Variants in PSMA6 observed in about 807,000 individuals in gnomAD.
PSMA6 encodes the protein proteasome subunit alpha type-6.
For missense variants in PSMA6, 170 were observed against 294.8 expected, an observed-to-expected ratio of 0.58 and a Z score of 3.10; for synonymous variants, 88 against 97.7, an observed-to-expected ratio of 0.90 and a Z score of 0.59.
intron 2 of PSMA6, 133 bp from the exon 3 acceptor site, chr14:35,308,781 C>A (rs77769830): frequency 0.011 from 7,045 of 626,986 alleles, 303 homozygotes; most frequent in African/African-American, 0.1. Context: ...ATTTATTATA[C>A]AGTTTATTTT....
At chr14:35,286,119 G>A (rs2051419372) in intron 1 of PSMA6, among the ~76,000 whole-genome samples, 1 of 152,144 alleles carries the variant, frequency 6.6e-6, no homozygotes, top group Non-Finnish European at 1.5e-5. Context: ...TTTAAAGTGG[G>A]TACAGCATAC....
intron 1 of PSMA6, among the ~76,000 whole-genome samples, chr14:35,299,443 AC>A (rs1198029956): frequency 6.8e-6 from 1 of 146,016 alleles, no homozygotes; most frequent in African/African-American, 2.5e-5. Flanking sequence ...CTGCCTCAGC[AC>A]CCCAATAGCT....
At chr14:35,293,138 C>A in intron 1 of PSMA6, 1 of 418,468 alleles carries the variant, frequency 2.4e-6, no homozygotes, top group Non-Finnish European at 4.8e-6. Flanking sequence ...CAAATATCTA[C>A]AGAGTTCAAG....
At chr14:35,306,005 C>T (rs926553833) in intron 1 of PSMA6, among the ~76,000 whole-genome samples, 1 of 151,972 alleles carries the variant, frequency 6.6e-6, no homozygotes, top group Non-Finnish European at 1.5e-5. Context: ...GTGGGAGGAT[C>T]GCTTGAGTCC....
At position 35,292,440 on chromosome 14, in the gene PSMA6, G is replaced by C. The variant is rs2051501918; in HGVS notation, c.-37G>C. The C allele has an allele frequency of 1.3e-6, 2 of 1,599,146 alleles. No individual in the cohort carries two copies. Among genetic ancestry groups the C allele is most frequent in the Non-Finnish European group, 1.7e-6 (2 of 1,172,918 alleles). On this transcript the variant is annotated 5_prime_UTR_variant, in exon 1 of 7. Coordinates refer to ENST00000261479, the MANE Select transcript of PSMA6 (RefSeq NM_002791.3). The stretch of plus-strand genomic sequence containing the variant: ...GTGTGCCTGGTGCGGGAGCTACGGG[G>C]CCCAGGGATTGTGTTTAAAGTAGTG...
At chr14:35,286,932 G>A (rs2051426777) in intron 1 of PSMA6, among the ~76,000 whole-genome samples, 1 of 152,074 alleles carries the variant, frequency 6.6e-6, no homozygotes, top group South Asian at 2.1e-4. Flanking sequence ...GGGCTTATGA[G>A]AAGCATAACC....
intron 1 of PSMA6, among the ~76,000 whole-genome samples, chr14:35,279,776 A>G (rs1279602009): frequency 6.6e-6 from 1 of 152,226 alleles, no homozygotes; most frequent in African/African-American, 2.4e-5. Flanking sequence ...CACCAAGGGA[A>G]GTTTCTGTGA....
At chr14:35,304,385 T>G (rs2138737253) in intron 1 of PSMA6, among the ~76,000 whole-genome samples, 1 of 152,136 alleles carries the variant, frequency 6.6e-6, no homozygotes, top group South Asian at 2.1e-4. Flanking sequence ...CCATGGGAGG[T>G]CCTAGAACCA....
At chr14:35,313,125 T>A (rs2051976810) in intron 5 of PSMA6, 66 bp downstream of exon 5, 13 of 1,358,472 alleles carry the variant, frequency 9.6e-6, no homozygotes, top group Non-Finnish European at 1.3e-5. Context: ...TTTGTATAAT[T>A]TCTATACAAA....
At chr14:35,300,158 T>A (rs559100147) in intron 1 of PSMA6, among the ~76,000 whole-genome samples, 1 of 152,064 alleles carries the variant, frequency 6.6e-6, no homozygotes, top group Non-Finnish European at 1.5e-5. Context: ...AGTAAAATAA[T>A]AGGAGAGTTG....
intron 1 of PSMA6, among the ~76,000 whole-genome samples, chr14:35,282,946 G>A (rs180810839): frequency 7.3e-5 from 11 of 151,714 alleles, no homozygotes; most frequent in African/African-American, 1.4e-4. Context: ...GGGCTCAAGC[G>A]GTTCTCCTGC....
intron 6 of PSMA6, 124 bp from the exon 7 acceptor site, chr14:35,317,125 A>T (rs1020006738): frequency 2.8e-6 from 2 of 707,056 alleles, no homozygotes; most frequent in African/African-American, 3.5e-5. Flanking sequence ...AGATTGGTTT[A>T]TAAATTGATA....
intron 6 of PSMA6, chr14:35,314,960 T>TGTAC (rs1468180984): frequency 1.3e-5 from 2 of 150,278 alleles, no homozygotes; most frequent in Non-Finnish European, 2.9e-5. Flanking sequence ...TGTGTGTGTG[T>TGTAC]GTGTGTGTGT....
In PSMA6 at chr14:35,314,222, A is replaced by G. The variant is rs79220660; in HGVS notation, c.589-139A>G. 73 of 1,002,900 alleles carry G rather than the reference A, an allele frequency of 7.3e-5. No individual in the cohort carries two copies. In the African/African-American group the frequency reaches 1.2e-3, roughly 16 times the overall value. 62.1% of individuals were successfully genotyped at this position (1,002,900 alleles called of 1,614,324 possible). A position where few individuals can be genotyped will look rare whatever the true frequency, so the allele number is the denominator to read the frequency against. On this transcript the variant is annotated intron_variant, in intron 5 of 6. Coordinates refer to ENST00000261479, the MANE Select transcript of PSMA6 (RefSeq NM_002791.3). ...ATTGGGAGGCAATACATTAGAGTTA[A>G]GCAGTCTGTTAGTAACATTGAACTA... is the stretch of plus-strand genomic sequence containing the variant.
At chr14:35,292,608 C>A in intron 1 of PSMA6, 56 bp downstream of exon 1, 1 of 1,590,346 alleles carries the variant, frequency 6.3e-7, no homozygotes, top group South Asian at 1.1e-5. Context: ...ATGGTACGTG[C>A]CTGGAGCGAG....
At chr14:35,307,922 A>G in intron 1 of PSMA6, 72 bp from the exon 2 acceptor site, 1 of 1,412,736 alleles carries the variant, frequency 7.1e-7, no homozygotes. Context: ...CATTCTTTTT[A>G]ATGACTATTA....
intron 6 of PSMA6, chr14:35,316,811 A>T (rs1349257224): frequency 6.3e-6 from 1 of 157,522 alleles, no homozygotes; most frequent in Non-Finnish European, 1.4e-5. Context: ...GCTTGCAGTG[A>T]GCCGAGATCA....
Position 35,317,331 on chromosome 14 carries a change from C to G in PSMA6, c.*25C>G. 6.3e-7 allele frequency: 1 copy of G among 1,574,956 alleles called. No individual in the cohort carries two copies. The highest frequency in any genetic ancestry group is 1.1e-5 in the South Asian group (1 of 90,174). On this transcript the variant is annotated 3_prime_UTR_variant, in exon 7 of 7. Coordinates refer to ENST00000261479, the MANE Select transcript of PSMA6 (RefSeq NM_002791.3). ...AACATTGTCGTTAGTTTACCAGATCCGTGATGCCACTTACCTGTGTGTTTG... is the reference window on the plus strand; with the variant it reads ...AACATTGTCGTTAGTTTACCAGATCGGTGATGCCACTTACCTGTGTGTTTG...
intron 6 of PSMA6, 76 bp downstream of exon 6, chr14:35,314,531 G>A: frequency 7.1e-7 from 1 of 1,403,688 alleles, no homozygotes; most frequent in Non-Finnish European, 9.4e-7. Flanking sequence ...AACTTGTGGG[G>A]GAAATCTTTT....
Sources: allele counts gnomAD v4.1 joint callset (sites outside exome capture counted in the v4.1 genomes callset), GRCh38; gene constraint gnomAD v4.1.1; transcripts MANE v1.5; gene names NCBI Gene and HGNC (gene_info 2026-07-23, HGNC 2026-07-21).